The following USP37 variants were observed in gnomAD, a reference collection of about 807,000 sequenced individuals.
USP37 encodes the protein ubiquitin carboxyl-terminal hydrolase 37.
A neutral mutation model predicts 124.0 loss-of-function variants in USP37; 27 were observed. The observed-to-expected ratio is 0.22, with a 90% CI of 0.16 to 0.30. USP37 has a LOEUF of 0.30. Among genes scored for constraint, USP37 ranks in the 10% least tolerant of loss-of-function variants. The pLI is 1.00. For missense variants in USP37, 889 were observed against 1,140.4 expected, an observed-to-expected ratio of 0.78 and a Z score of 3.17; for synonymous variants, 365 against 388.0, an observed-to-expected ratio of 0.94 and a Z score of 0.70.
intron 5 of USP37, among the ~76,000 whole-genome samples, chr2:218,552,886 C>T (rs943678049): frequency 2.0e-5 from 3 of 152,104 alleles, no homozygotes; most frequent in Admixed American, 6.6e-5. Context: ...CGACTGCACT[C>T]CAGCCTAGGT....
chr2:218,456,382 C>T (rs1380337218), intron 24 of USP37, among the ~76,000 whole-genome samples: 1 of 151,302 alleles, frequency 6.6e-6, no homozygotes, highest in Non-Finnish European at 1.5e-5. Flanking sequence ...GCTCCTGAGC[C>T]CAGGAATTCA....
Position 218,509,995 on chromosome 2 carries a change from GTT to G in USP37, c.1007_1008del (p.Gln336ProfsTer32), listed in dbSNP as rs1165787618. ...NKPRVPLSSH[Q>X]QQQLQGFSNL... Reference sequence around the variant, plus strand: ...TTGACCTACCCCTGCAGTTGCTGCTGTTGGTGAGAGGAAAGGGGCACTCTTGG... The same window carrying G: ...TTGACCTACCCCTGCAGTTGCTGCTGGGTGAGAGGAAAGGGGCACTCTTGG... On this transcript the variant is annotated frameshift_variant, in exon 11 of 26. Transcript: ENST00000258399. LOFTEE classifies it high-confidence loss of function. 1 of 1,575,514 alleles carries G rather than the reference GTT, an allele frequency of 6.3e-7. No individual in the cohort carries two copies. The highest frequency in any genetic ancestry group is 1.8e-5 in the Admixed American group (1 of 57,048).
chr2:218,459,590 TTTTGTTTG>T (rs139713541), intron 23 of USP37, among the ~76,000 whole-genome samples, 192 bp downstream of exon 23: 1 of 152,170 alleles, frequency 6.6e-6, no homozygotes. Context: ...TTCCTGTTTT[TTTTGTTTG>T]TTTGTTTGTT....
intron 23 of USP37, among the ~76,000 whole-genome samples, chr2:218,459,256 C>A (rs1237583018): frequency 3.3e-5 from 5 of 152,208 alleles, no homozygotes; most frequent in Admixed American, 6.5e-5. Context: ...GGCTGGAGTA[C>A]AATGGCATAA....
In USP37 at chr2:218,457,146, G is replaced by A. The variant is rs1195376030; in HGVS notation, c.2659C>T (p.His887Tyr). 6.2e-7 allele frequency: 1 copy of A among 1,613,764 alleles called. No individual in the cohort carries two copies. Among genetic ancestry groups the A allele is most frequent in the Non-Finnish European group, 8.5e-7 (1 of 1,179,938 alleles). Reference sequence around the variant, plus strand: ...ACAACACTGATGAGCCGGTACGAATGAGGCAGATTTCCTGTCTGGAAAACA... The same window carrying A: ...ACAACACTGATGAGCCGGTACGAATAAGGCAGATTTCCTGTCTGGAAAACA... ...KRNAETGNLPHSYRLISVVSH... is the reference protein window; with the variant it reads ...KRNAETGNLPYSYRLISVVSH... Residue 887 changes from histidine (H) to tyrosine (Y), a missense_variant, in exon 24 of 26, where the codon CAT becomes TAT. By Grantham distance (83) the His-to-Tyr change is moderately conservative (BLOSUM62 2). Around this residue, in one of 3 missense-constraint regions of USP37, gnomAD observed 504 missense variants for 714.3 expected, o/e 0.71. Coordinates refer to ENST00000258399, the MANE Select transcript of USP37 (RefSeq NM_020935.3).
At chr2:218,484,146 G>A (rs553074086) in intron 16 of USP37, among the ~76,000 whole-genome samples, 2 of 151,940 alleles carry the variant, frequency 1.3e-5, no homozygotes, top group South Asian at 2.1e-4. Context: ...GCAACAGAAC[G>A]AGACTCTGTT....
At chr2:218,568,053 T>G (rs1297727089) in intron 1 of USP37, 125 bp downstream of exon 1, 1 of 152,234 alleles carries the variant, frequency 6.6e-6, no homozygotes, top group African/African-American at 2.4e-5. Flanking sequence ...ATCGAGGGGT[T>G]GTGGGCGGGC....
At chr2:218,477,261 G>T (rs1314872687) in intron 18 of USP37, among the ~76,000 whole-genome samples, 1 of 152,052 alleles carries the variant, frequency 6.6e-6, no homozygotes, top group Non-Finnish European at 1.5e-5. Flanking sequence ...ATTTGCTATT[G>T]TCTTTATAAA....
intron 23 of USP37, among the ~76,000 whole-genome samples, chr2:218,459,000 G>A (rs1173229913): frequency 6.6e-6 from 1 of 151,720 alleles, no homozygotes; most frequent in African/African-American, 2.4e-5. Context: ...AGTGCTGAGA[G>A]TAATTGTGTT....
At position 218,488,446 on chromosome 2, in the gene USP37, A is replaced by G. The variant is rs746915928; in HGVS notation, c.1473-25T>C. 3 of 1,484,012 alleles carry G rather than the reference A, an allele frequency of 2.0e-6. No homozygotes were observed. The South Asian group carries it at 3.6e-5, about 18-fold the overall frequency. The allele number at this position is 1,484,012 out of a possible 1,614,324, so 91.9% of individuals were successfully genotyped here. ...TCTGTAAGAATAAAATGAGACATGT[A>G]AGCATTTAGACCAATACACAAGAAA... is the stretch of plus-strand genomic sequence containing the variant. On this transcript the variant is annotated intron_variant, in intron 14 of 25. Coordinates refer to ENST00000258399, the MANE Select transcript of USP37 (RefSeq NM_020935.3).
rs542584113 is a variant in USP37, at chr2:218,545,728, C to T, written c.680+493G>A. On this transcript the variant is annotated intron_variant, in intron 8 of 25. Coordinates refer to ENST00000258399, the MANE Select transcript of USP37 (RefSeq NM_020935.3). ...AATGAGGACGATGATTACGAGTTGG[C>T]GAGCACCCTGGGTTGATCTATTCCC... 2.0e-5 allele frequency among the ~76,000 whole-genome samples: 3 copies of T among 152,074 alleles called. No individual in the cohort carries two copies. In the East Asian group the frequency reaches 5.8e-4, roughly 29 times the overall value.
intron 11 of USP37, among the ~76,000 whole-genome samples, chr2:218,503,043 T>A (rs1327942842): frequency 6.6e-6 from 1 of 152,236 alleles, no homozygotes; most frequent in Admixed American, 6.5e-5. Context: ...GAGTTCTATA[T>A]AAGCTAGATT....
At chr2:218,521,882 T>C (rs553752118) in intron 10 of USP37, among the ~76,000 whole-genome samples, 2 of 152,264 alleles carry the variant, frequency 1.3e-5, no homozygotes, top group Admixed American at 6.5e-5. Context: ...AACGTTGTCT[T>C]TTCCAGTTTT....
intron 11 of USP37, among the ~76,000 whole-genome samples, chr2:218,502,834 A>G (rs1335428749): frequency 6.6e-6 from 1 of 152,170 alleles, no homozygotes; most frequent in Admixed American, 6.6e-5. Flanking sequence ...AGGATTTTAC[A>G]TCCAGCCAAA....
intron 10 of USP37, among the ~76,000 whole-genome samples, chr2:218,517,515 T>C (rs1295485168): frequency 6.6e-6 from 1 of 152,240 alleles, no homozygotes; most frequent in Non-Finnish European, 1.5e-5. Flanking sequence ...AATAAAATTC[T>C]ATGTTGGCAG....
At chr2:218,498,798 A>T (rs1036205992) in intron 11 of USP37, among the ~76,000 whole-genome samples, 2 of 152,156 alleles carry the variant, frequency 1.3e-5, no homozygotes, top group African/African-American at 2.4e-5. Context: ...TTTCAAAATT[A>T]ATGCTAAACA....
intron 1 of USP37, among the ~76,000 whole-genome samples, chr2:218,567,683 G>T (rs143698641): frequency 2.0e-4 from 30 of 152,278 alleles, no homozygotes; most frequent in Non-Finnish European, 8.8e-5. Context: ...TCCTTTCATG[G>T]ATCATGACTT....
chr2:218,457,569 A>C (rs1234353255), intron 23 of USP37, among the ~76,000 whole-genome samples: 1 of 152,244 alleles, frequency 6.6e-6, no homozygotes, highest in Non-Finnish European at 1.5e-5. Flanking sequence ...CTATTAAAAA[A>C]ATGTTACGTT....
intron 16 of USP37, among the ~76,000 whole-genome samples, chr2:218,483,165 T>C (rs775607106): frequency 6.6e-6 from 1 of 152,130 alleles, no homozygotes; most frequent in Non-Finnish European, 1.5e-5. Context: ...ACACAACTGA[T>C]ATGAAACCAA....
Sources: allele counts gnomAD v4.1 joint callset (sites outside exome capture counted in the v4.1 genomes callset), GRCh38; gene constraint gnomAD v4.1.1; regional missense constraint gnomAD v4.1.1; transcripts MANE v1.5; gene names NCBI Gene and HGNC (gene_info 2026-07-23, HGNC 2026-07-21).